Variants in XKR9 observed in about 807,000 individuals in gnomAD.
XKR9 encodes XK related 9, also known as XK-related protein 9.
XKR9 carries 32 observed loss-of-function variants against 32.0 expected under a neutral mutation model. The observed-to-expected ratio is 1.00, with a 90% CI of 0.76 to 1.34. The LOEUF (loss-of-function observed/expected upper bound fraction) is 1.34, where lower values mean the gene tolerates loss of function less well. XKR9 is among the 40% of genes most tolerant of loss of function. The probability of loss-of-function intolerance (pLI) is 0.00; values close to 1 mark genes in which losing one functional copy is unlikely to be tolerated. For synonymous variants in XKR9, 168 were observed against 143.4 expected, an observed-to-expected ratio of 1.17 and a Z score of -1.22; for missense variants, 546 against 429.7, an observed-to-expected ratio of 1.27 and a Z score of -2.39.
At chr8:70,747,500 C>T (rs1042858286) in intron 2 of XKR9, among the ~76,000 whole-genome samples, 6 of 152,186 alleles carry the variant, frequency 3.9e-5, no homozygotes, top group Admixed American at 2.0e-4. Context: ...TAGTCAGCCC[C>T]GTTGCTATGG....
In XKR9 at chr8:70,734,493, G is replaced by A; in HGVS notation, c.*69G>A. On this transcript the variant is annotated 3_prime_UTR_variant, in exon 5 of 5. Transcript: ENST00000408926. ...GGTTAGTAAAGAAAATGTGTGTTAT[G>A]TGGGTGTGTTGTCTCTTATTTTTGC... 7.0e-7 allele frequency: 1 copy of A among 1,418,638 alleles called. No homozygotes were observed. Among genetic ancestry groups the A allele is most frequent in the African/African-American group, 1.5e-5 (1 of 68,782 alleles). The allele number at this position is 1,418,638 out of a possible 1,614,324, so 87.9% of individuals were successfully genotyped here.
the XKR9 span, among the ~76,000 whole-genome samples, chr8:71,036,997 A>T: frequency 6.6e-6 from 1 of 151,742 alleles, no homozygotes; most frequent in Non-Finnish European, 1.5e-5. Flanking sequence ...TCTAGGCATG[A>T]GCCACCACGC....
At chr8:70,935,112 T>G in the XKR9 span, among the ~76,000 whole-genome samples, 1 of 147,436 alleles carries the variant, frequency 6.8e-6, no homozygotes, top group African/African-American at 2.5e-5. Flanking sequence ...TATATATATA[T>G]ATATATATAC....
At chr8:70,873,803 T>C in the XKR9 span, among the ~76,000 whole-genome samples, 1 of 152,240 alleles carries the variant, frequency 6.6e-6, no homozygotes, top group Non-Finnish European at 1.5e-5. Context: ...TTACTCCAAT[T>C]TTGAAAGAAG....
chr8:70,857,713 T>C, the XKR9 span, among the ~76,000 whole-genome samples: 1 of 152,174 alleles, frequency 6.6e-6, no homozygotes, highest in Non-Finnish European at 1.5e-5. Context: ...GTAAAAATCC[T>C]CAATAAAATA....
chr8:70,993,675 A>G, the XKR9 span, among the ~76,000 whole-genome samples: 1 of 113,308 alleles, frequency 8.8e-6, no homozygotes, highest in Admixed American at 9.9e-5. Flanking sequence ...CCTTCCTCCC[A>G]TCCTTCCTTC....
chr8:70,758,563 G>T (rs1418963195), intron 2 of XKR9, among the ~76,000 whole-genome samples: 21 of 152,084 alleles, frequency 1.4e-4, no homozygotes, highest in Admixed American at 1.4e-3. Flanking sequence ...AAAAATATGG[G>T]ATTACCCAGA....
chr8:70,789,617 T>C (rs1432023483), intron 3 of XKR9, among the ~76,000 whole-genome samples: 1 of 152,114 alleles, frequency 6.6e-6, no homozygotes, highest in African/African-American at 2.4e-5. Flanking sequence ...TGATTTTCAT[T>C]GAAATTTACA....
At chr8:70,993,122 T>G in the XKR9 span, among the ~76,000 whole-genome samples, 1 of 152,144 alleles carries the variant, frequency 6.6e-6, no homozygotes, top group Non-Finnish European at 1.5e-5. Context: ...CTTTCCTGAG[T>G]GAACTCAAAG....
chr8:70,909,468 C>G, the XKR9 span, among the ~76,000 whole-genome samples: 1 of 151,928 alleles, frequency 6.6e-6, no homozygotes, highest in African/African-American at 2.4e-5. Flanking sequence ...TCCAATAGGC[C>G]ATTTGTTTAC....
At position 70,707,222 on chromosome 8, in the gene XKR9, T is replaced by G. The variant is rs544312195; in HGVS notation, c.493+69T>G. 39 of 1,260,702 alleles carry G rather than the reference T, an allele frequency of 3.1e-5. No homozygotes were observed. In the South Asian group the frequency reaches 4.8e-4, roughly 16 times the overall value. 78.1% of individuals were successfully genotyped at this position (1,260,702 alleles called of 1,614,324 possible). Reference sequence around the variant, plus strand: ...ACCTTACGTCAACTATATAAATCTTTGGCTGACTTTAGAAATTTTTAATAC... The same window carrying G: ...ACCTTACGTCAACTATATAAATCTTGGGCTGACTTTAGAAATTTTTAATAC... On this transcript the variant is annotated intron_variant, in intron 4 of 4. Transcript: ENST00000408926.
At chr8:70,702,896 A>G (rs114001166) in intron 3 of XKR9, among the ~76,000 whole-genome samples, 3,338 of 152,208 alleles carry the variant, frequency 0.022, 137 homozygotes, top group African/African-American at 0.076. Flanking sequence ...ATTTACATTT[A>G]GTGTAATTAT....
At chr8:70,728,885 G>A (rs1227189712) in intron 4 of XKR9, among the ~76,000 whole-genome samples, 1 of 152,190 alleles carries the variant, frequency 6.6e-6, no homozygotes, top group African/African-American at 2.4e-5. Flanking sequence ...TTAAAGCCGA[G>A]CACAGCCGTG....
the XKR9 span, among the ~76,000 whole-genome samples, chr8:71,050,322 G>T: frequency 6.9e-6 from 1 of 145,378 alleles, no homozygotes; most frequent in South Asian, 2.1e-4. Context: ...TATAGATATA[G>T]ATATATATGG....
chr8:70,836,338 T>C, the XKR9 span, among the ~76,000 whole-genome samples: 1 of 152,036 alleles, frequency 6.6e-6, no homozygotes, highest in African/African-American at 2.4e-5. Context: ...CCTAAAGGGT[T>C]CCCCCATGTC....
At chr8:70,767,225 G>T (rs1329167514) in intron 2 of XKR9, among the ~76,000 whole-genome samples, 1 of 152,152 alleles carries the variant, frequency 6.6e-6, no homozygotes, top group Non-Finnish European at 1.5e-5. Flanking sequence ...AATCCGTCTG[G>T]ACCTGGGATT....
chr8:70,939,270 G>T, the XKR9 span, among the ~76,000 whole-genome samples: 3 of 152,218 alleles, frequency 2.0e-5, no homozygotes, highest in Non-Finnish European at 4.4e-5. Context: ...GTATTGGTCA[G>T]GTATTTTTCG....
At chr8:70,840,519 G>A in the XKR9 span, among the ~76,000 whole-genome samples, 97 of 152,182 alleles carry the variant, frequency 6.4e-4, no homozygotes, top group African/African-American at 2.3e-3. Context: ...GGTTAGTTCA[G>A]TGGCTAAACA....
chr8:70,875,823 T>A, the XKR9 span, among the ~76,000 whole-genome samples: 1 of 152,190 alleles, frequency 6.6e-6, no homozygotes, highest in African/African-American at 2.4e-5. Context: ...TGTCATAATA[T>A]GAGATAGTCA....
Sources: gnomAD v4.1 joint callset for allele counts (sites outside exome capture counted in the v4.1 genomes callset) on GRCh38, gnomAD v4.1.1 for gene constraint, MANE v1.5 for transcripts, NCBI Gene and HGNC (gene_info 2026-07-23, HGNC 2026-07-21) for gene names.